Variants in COL4A1 observed in about 807,000 individuals in gnomAD.
The protein encoded by COL4A1 is collagen alpha-1(IV) chain.
Under a neutral mutation model 216.6 loss-of-function variants are expected in COL4A1, and 40 were observed. The ratio of observed to expected loss-of-function variants is 0.18; its 90% CI spans 0.14 to 0.24. The LOEUF (loss-of-function observed/expected upper bound fraction) is 0.24, where lower values mean the gene tolerates loss of function less well. Among genes scored for constraint, COL4A1 ranks in the 10% least tolerant of loss-of-function variants. The probability of loss-of-function intolerance (pLI) is 1.00; values close to 1 mark genes in which losing one functional copy is unlikely to be tolerated. For synonymous variants in COL4A1, 839 were observed against 810.7 expected (o/e 1.03, Z -0.59); for missense variants, 1,628 against 2,196.8 (o/e 0.74, Z 5.18).
At chr13:110,237,626 T>A (rs1881380481) in intron 2 of COL4A1, among the ~76,000 whole-genome samples, 1 of 152,232 alleles carries the variant, frequency 6.6e-6, no homozygotes, top group East Asian at 1.9e-4. Flanking sequence ...ATAATGTGCA[T>A]AAAACATACT....
intron 21 of COL4A1, among the ~76,000 whole-genome samples, chr13:110,195,866 A>G (rs1240155695): frequency 2.0e-5 from 3 of 152,200 alleles, no homozygotes; most frequent in African/African-American, 4.8e-5. Flanking sequence ...CCAGCACTGA[A>G]GGCCCTCCCC....
At chr13:110,219,279 C>T (rs552413054) in intron 2 of COL4A1, among the ~76,000 whole-genome samples, 1 of 152,324 alleles carries the variant, frequency 6.6e-6, no homozygotes, top group East Asian at 1.9e-4. Flanking sequence ...AGACATACAA[C>T]TGAACTCTTA....
At chr13:110,230,281 C>CGT (rs1437389592) in intron 2 of COL4A1, among the ~76,000 whole-genome samples, 2 of 151,242 alleles carry the variant, frequency 1.3e-5, no homozygotes, top group Non-Finnish European at 2.9e-5. Context: ...GTGTGTGGTG[C>CGT]GTGTATATGT....
intron 24 of COL4A1, among the ~76,000 whole-genome samples, chr13:110,189,125 G>A (rs572574661): frequency 7.4e-4 from 113 of 152,278 alleles, no homozygotes; most frequent in East Asian, 1.7e-3. Flanking sequence ...GTGCAATGGC[G>A]CCATCTCGGC....
intron 42 of COL4A1, among the ~76,000 whole-genome samples, chr13:110,170,297 G>A (rs1457141784): frequency 2.6e-5 from 4 of 152,176 alleles, no homozygotes; most frequent in African/African-American, 4.8e-5. Flanking sequence ...CGCCACCGAC[G>A]GGGCACGAGT....
Position 110,247,790 on chromosome 13 carries a change from CGTGTGTGTGT to C in COL4A1, c.85-5066_85-5057del, listed in dbSNP as rs56086913. Among the ~76,000 whole-genome samples, 27 of 57,766 alleles carry C rather than the reference CGTGTGTGTGT, an allele frequency of 4.7e-4. 2 individuals carry two copies. Among genetic ancestry groups the C allele is most frequent in the South Asian group, 3.1e-3 (4 of 1,296 alleles). The allele number at this position is 57,766 out of a possible 152,430, so 37.9% of individuals were successfully genotyped here. A position where few individuals can be genotyped will look rare whatever the true frequency, so the allele number is the denominator to read the frequency against. ...GAAGAATACCAGCTGCTATGCTACT[CGTGTGTGTGT>C]GTGTGTGTGTGTGTGTGTGTGTGTG... On this transcript the variant is annotated intron_variant, in intron 1 of 51. Transcript: ENST00000375820.
chr13:110,172,768 G>A lies in COL4A1; in HGVS notation c.3508C>T (p.Leu1170=). The change falls in exon 41 of 52, where the codon CTA becomes TTA. Residue 1170 remains leucine, a splice_region_variant and synonymous_variant. Coordinates refer to ENST00000375820, the MANE Select transcript of COL4A1 (RefSeq NM_001845.6). ...AACCCTGGGAATCCTCTTCCTGGTA[G>A]ACCTATAAGATGAGGGTAAAATGCC... is the stretch of plus-strand genomic sequence containing the variant. ...GSAGEKGEPG[L]PGRGFPGFPG... is the part of the protein sequence containing the mutation. 1.2e-6 allele frequency: 2 copies of A among 1,613,904 alleles called. No individual in the cohort carries two copies. The highest frequency in any genetic ancestry group is 1.7e-6 in the Non-Finnish European group (2 of 1,179,738).
intron 1 of COL4A1, among the ~76,000 whole-genome samples, chr13:110,297,999 T>C (rs557954920): frequency 6.6e-6 from 1 of 152,122 alleles, no homozygotes; most frequent in East Asian, 1.9e-4. Context: ...CCCAAAGTTA[T>C]TTATGTTTTA....
intron 1 of COL4A1, among the ~76,000 whole-genome samples, chr13:110,257,593 G>A (rs1033214649): frequency 2.6e-5 from 4 of 152,216 alleles, no homozygotes; most frequent in African/African-American, 4.8e-5. Flanking sequence ...AACAGTGGCA[G>A]AGGGTGCCAA....
At chr13:110,299,706 G>A (rs766421226) in intron 1 of COL4A1, among the ~76,000 whole-genome samples, 12 of 152,138 alleles carry the variant, frequency 7.9e-5, no homozygotes, top group South Asian at 2.1e-4. Flanking sequence ...CCAAAAAGTC[G>A]TGTGCACGTC....
intron 18 of COL4A1, 89 bp from the exon 19 acceptor site, chr13:110,201,611 A>G (rs769336415): frequency 6.3e-6 from 7 of 1,105,868 alleles, no homozygotes; most frequent in Middle Eastern, 2.0e-4. Context: ...AAATGTACAT[A>G]TTTGTTTTTA....
At chr13:110,293,722 C>A (rs1884170881) in intron 1 of COL4A1, among the ~76,000 whole-genome samples, 1 of 152,196 alleles carries the variant, frequency 6.6e-6, no homozygotes, top group Non-Finnish European at 1.5e-5. Context: ...GAATTATTTT[C>A]CACCAAAAAG....
At chr13:110,242,251 C>A (rs1881600317) in intron 2 of COL4A1, among the ~76,000 whole-genome samples, 1 of 152,078 alleles carries the variant, frequency 6.6e-6, no homozygotes, top group African/African-American at 2.4e-5. Flanking sequence ...TAAATCTAGA[C>A]AAGCATGTGA....
chr13:110,183,326 C>G, intron 26 of COL4A1, 50 bp from the exon 27 acceptor site: 3 of 1,557,812 alleles, frequency 1.9e-6, no homozygotes, highest in East Asian at 2.3e-5. Context: ...GAGGACCACA[C>G]GGAACACAGG....
Position 110,252,619 on chromosome 13 carries a change from AATTGTAT to A in COL4A1, c.85-9892_85-9886del, listed in dbSNP as rs1247963459. 2.4e-3 allele frequency among the ~76,000 whole-genome samples: 37 copies of A among 15,596 alleles called. 11 individuals carry two copies. The highest frequency in any genetic ancestry group is 0.012 in the Admixed American group (8 of 662). 10.2% of individuals were successfully genotyped at this position (15,596 alleles called of 152,430 possible). ...ACGTATATATGTATTATATATGTAT[AATTGTAT>A]ATATTATATATACTTATATACAAAA... is the stretch of plus-strand genomic sequence containing the variant. On this transcript the variant is annotated intron_variant, in intron 1 of 51. Transcript: ENST00000375820.
Position 110,207,631 on chromosome 13 carries a change from C to A in COL4A1, c.694-142G>T. ...CTCTATTCTGTTCTAATCATCCTTG[C>A]CTCTGCAGAAAATCAAATTTCAATA... On this transcript the variant is annotated intron_variant, in intron 12 of 51. Coordinates refer to ENST00000375820, the MANE Select transcript of COL4A1 (RefSeq NM_001845.6). This position sits in a 1 kb window ranked among gnomAD's most constrained non-coding sequence, Gnocchi z 4.4. 1.3e-5 allele frequency: 9 copies of A among 675,412 alleles called. No individual in the cohort carries two copies. Among genetic ancestry groups the A allele is most frequent in the Non-Finnish European group, 2.0e-5 (8 of 396,940 alleles). 41.8% of individuals were successfully genotyped at this position (675,412 alleles called of 1,614,324 possible). A position where few individuals can be genotyped will look rare whatever the true frequency, so the allele number is the denominator to read the frequency against.
At chr13:110,161,662 A>G (rs1479953576) in intron 48 of COL4A1, among the ~76,000 whole-genome samples, 1 of 148,056 alleles carries the variant, frequency 6.8e-6, no homozygotes, top group African/African-American at 2.4e-5. Flanking sequence ...TTTTGCAGAA[A>G]ATGCAGATGC....
chr13:110,172,647 A>T, intron 41 of COL4A1, 73 bp downstream of exon 41: 2 of 1,426,126 alleles, frequency 1.4e-6, no homozygotes, highest in Non-Finnish European at 2.0e-6. Flanking sequence ...CATCCTGAAG[A>T]CACTGCCCCT....
chr13:110,247,474 T>C (rs1881869738), intron 1 of COL4A1, among the ~76,000 whole-genome samples: 1 of 152,192 alleles, frequency 6.6e-6, no homozygotes, highest in Admixed American at 6.5e-5. Context: ...AAACTTTTCT[T>C]TCATGCTCCA....
Sources: gnomAD v4.1 joint callset for allele counts (sites outside exome capture counted in the v4.1 genomes callset) on GRCh38, gnomAD v4.1.1 for gene constraint, Gnocchi (gnomAD v3.1) non-coding constraint, MANE v1.5 for transcripts, NCBI Gene and HGNC (gene_info 2026-07-23, HGNC 2026-07-21) for gene names.